DNAAF11: variants seen among roughly 807,000 people sequenced by gnomAD.
The protein encoded by DNAAF11 is dynein axonemal assembly factor 11, also known as leucine rich repeat containing 6.
A neutral mutation model predicts 60.8 loss-of-function variants in DNAAF11; 45 were observed. That is an observed-to-expected ratio of 0.74 (90% CI 0.58 to 0.95). The LOEUF is 0.95. DNAAF11 is among the 40% of genes least tolerant of loss of function. DNAAF11 has a pLI of 0.00. For synonymous variants in DNAAF11, 191 were observed against 183.5 expected, an observed-to-expected ratio of 1.04 and a Z score of -0.33; for missense variants, 546 against 546.2, an observed-to-expected ratio of 1.00 and a Z score of 0.00.
chr8:132,589,043 C>T (rs571714779), intron 10 of DNAAF11, among the ~76,000 whole-genome samples: 30 of 152,308 alleles, frequency 2.0e-4, no homozygotes, highest in Non-Finnish European at 3.7e-4. Context: ...TACATTTCAA[C>T]ATGAGATTTG....
At chr8:132,676,832 G>T (rs957205483), upstream of DNAAF11, among the ~76,000 whole-genome samples, 5 of 152,180 alleles carry the variant, frequency 3.3e-5, no homozygotes, top group African/African-American at 1.2e-4. Flanking sequence ...AACTGAACTG[G>T]AAGAGTGGGA....
chr8:132,638,372 G>C (rs1821520700), intron 3 of DNAAF11, among the ~76,000 whole-genome samples: 2 of 152,014 alleles, frequency 1.3e-5, no homozygotes, highest in Non-Finnish European at 1.5e-5. Flanking sequence ...ACACTTACAA[G>C]GCTGGTTAAT....
At chr8:132,702,521 T>C in the DNAAF11 span, among the ~76,000 whole-genome samples, 2 of 152,120 alleles carry the variant, frequency 1.3e-5, no homozygotes, top group Non-Finnish European at 2.9e-5. Context: ...CTGAAAAATT[T>C]CCGTTGTCCC....
At chr8:132,643,038 G>A (rs1382579861) in intron 3 of DNAAF11, among the ~76,000 whole-genome samples, 3 of 152,138 alleles carry the variant, frequency 2.0e-5, no homozygotes, top group Admixed American at 6.5e-5. Context: ...TACATCCCTC[G>A]CAAGATCAGT....
intron 10 of DNAAF11, among the ~76,000 whole-genome samples, chr8:132,606,415 G>A (rs1211525986): frequency 1.3e-5 from 2 of 152,154 alleles, no homozygotes; most frequent in African/African-American, 4.8e-5. Flanking sequence ...GTAGACCTAG[G>A]CTAATGTGTG....
At chr8:132,593,332 C>CATACAT (rs577618316) in intron 10 of DNAAF11, among the ~76,000 whole-genome samples, 165 of 108,704 alleles carry the variant, frequency 1.5e-3, no homozygotes, top group African/African-American at 6.1e-3. Context: ...TATATACATA[C>CATACAT]ATATATATAT....
At chr8:132,647,133 T>C (rs1008898784) in intron 3 of DNAAF11, among the ~76,000 whole-genome samples, 2 of 151,952 alleles carry the variant, frequency 1.3e-5, no homozygotes, top group African/African-American at 4.8e-5. Flanking sequence ...ACAGAAATTA[T>C]AACAAACTGT....
chr8:132,677,366 G>A (rs1219643119), upstream of DNAAF11, among the ~76,000 whole-genome samples: 1 of 151,994 alleles, frequency 6.6e-6, no homozygotes, highest in Non-Finnish European at 1.5e-5. Context: ...AGCTTGCAGT[G>A]AACTAGGATT....
chr8:132,661,448 A>G lies in DNAAF11; in HGVS notation c.178+12T>C, dbSNP rs2130814180. ...GTTCAAGAAACCATGAGAACTAAGT[A>G]CTGAAACTTACCAATTTTCCCAATA... On this transcript the variant is annotated intron_variant, in intron 2 of 11. Transcript: ENST00000620350. 1.9e-6 allele frequency: 3 copies of G among 1,605,090 alleles called. No individual in the cohort carries two copies. Among genetic ancestry groups the G allele is most frequent in the Admixed American group, 3.3e-5 (2 of 59,746 alleles).
At chr8:132,647,325 C>T (rs1822497515) in intron 3 of DNAAF11, among the ~76,000 whole-genome samples, 1 of 152,038 alleles carries the variant, frequency 6.6e-6, no homozygotes, top group Non-Finnish European at 1.5e-5. Flanking sequence ...CCAATGAGAA[C>T]AAAGACACAA....
chr8:132,662,602 T>C (rs1490619931), intron 1 of DNAAF11, among the ~76,000 whole-genome samples: 1 of 152,246 alleles, frequency 6.6e-6, no homozygotes, highest in African/African-American at 2.4e-5. Flanking sequence ...TATTAATATA[T>C]GACTATCTGG....
At chr8:132,599,705 C>A (rs938721591) in intron 10 of DNAAF11, among the ~76,000 whole-genome samples, 24 of 152,122 alleles carry the variant, frequency 1.6e-4, no homozygotes, top group Non-Finnish European at 1.2e-4. Context: ...GCAGAAAAGG[C>A]CTTTGACAAA....
At chr8:132,656,651 T>A (rs1823602710) in intron 3 of DNAAF11, among the ~76,000 whole-genome samples, 179 bp downstream of exon 3, 1 of 152,114 alleles carries the variant, frequency 6.6e-6, no homozygotes, top group Admixed American at 6.5e-5. Flanking sequence ...TTTGTATTTT[T>A]AGTAGAGACG....
At chr8:132,646,796 A>G (rs1822440386) in intron 3 of DNAAF11, among the ~76,000 whole-genome samples, 1 of 152,212 alleles carries the variant, frequency 6.6e-6, no homozygotes, top group African/African-American at 2.4e-5. Context: ...AGAGCTAACT[A>G]TCCTAAATAT....
chr8:132,672,237 C>A (rs1825257785), intron 1 of DNAAF11, among the ~76,000 whole-genome samples: 1 of 152,084 alleles, frequency 6.6e-6, no homozygotes, highest in Non-Finnish European at 1.5e-5. Context: ...CCCAGTAATA[C>A]AAAATGCATT....
rs1818932747 is a variant in DNAAF11, at chr8:132,614,221, G to A, written c.974+817C>T. On this transcript the variant is annotated intron_variant, in intron 8 of 11. Transcript: ENST00000620350. The stretch of plus-strand genomic sequence containing the variant: ...GGTGGGGCAGAGAGGCCCCTCTAAT[G>A]AGGTGACATCTGAGCAGAGGCCTGA... Among the ~76,000 whole-genome samples the A allele has an allele frequency of 1.3e-5, 2 of 152,314 alleles. 1 individual carries two copies. The highest frequency in any genetic ancestry group is 4.1e-4 in the South Asian group (2 of 4,826).
At chr8:132,677,321 A>G (rs1442259079), upstream of DNAAF11, among the ~76,000 whole-genome samples, 1 of 152,198 alleles carries the variant, frequency 6.6e-6, no homozygotes, top group East Asian at 1.9e-4. Flanking sequence ...CTAAGCTGAC[A>G]AAAGCATGAG....
rs1051351752 is a variant in DNAAF11 at position 132,632,982 on chromosome 8, A to C, written c.430-19T>G. 2.6e-6 allele frequency: 4 copies of C among 1,542,066 alleles called. No homozygotes were observed. The highest frequency in any genetic ancestry group is 3.6e-6 in the Non-Finnish European group (4 of 1,117,938). On this transcript the variant is annotated intron_variant, in intron 4 of 11. Coordinates refer to ENST00000620350, the MANE Select transcript of DNAAF11 (RefSeq NM_012472.6). ...CCAACCACTTAAAGAAAAACAATAA[A>C]TATAGTACAATTGTTCAAAAGTAGC...
At chr8:132,640,760 C>A (rs554692319) in intron 3 of DNAAF11, among the ~76,000 whole-genome samples, 1 of 152,124 alleles carries the variant, frequency 6.6e-6, no homozygotes, top group South Asian at 2.1e-4. Context: ...CATTAATAAT[C>A]TCCTTATAAA....
Sources: allele counts gnomAD v4.1 joint callset (sites outside exome capture counted in the v4.1 genomes callset), GRCh38; gene constraint gnomAD v4.1.1; transcripts MANE v1.5; gene names NCBI Gene and HGNC (gene_info 2026-07-23, HGNC 2026-07-21).